Variants in DRC8 observed in about 807,000 individuals in gnomAD.
DRC8 encodes dynein regulatory complex subunit 8.
the DRC8 span, among the ~76,000 whole-genome samples, chr1:245,117,923 G>A: frequency 2.0e-5 from 3 of 152,060 alleles, no homozygotes; most frequent in African/African-American, 7.2e-5. Context: ...AGCCAAGATT[G>A]TGCCACTGCA....
At chr1:245,065,273 G>A in the DRC8 span, among the ~76,000 whole-genome samples, 1 of 151,594 alleles carries the variant, frequency 6.6e-6, no homozygotes, top group African/African-American at 2.4e-5. Context: ...GGCTGGTCTT[G>A]AACGCCTGAC....
the DRC8 span, among the ~76,000 whole-genome samples, chr1:245,081,161 C>CTA: frequency 4.3e-4 from 64 of 147,422 alleles, no homozygotes; most frequent in African/African-American, 1.3e-3. Context: ...TTTTATTTAT[C>CTA]TATATATATA....
chr1:245,103,910 C>G, the DRC8 span, among the ~76,000 whole-genome samples: 2 of 152,236 alleles, frequency 1.3e-5, no homozygotes, highest in Non-Finnish European at 2.9e-5. Context: ...AATCTGTAAA[C>G]AAGATCCTAA....
At chr1:245,059,437 G>C in the DRC8 span, 6 of 1,612,908 alleles carry the variant, frequency 3.7e-6, no homozygotes, top group South Asian at 1.1e-5. Context: ...CGGAAGGAGA[G>C]CTGCATGATC....
At chr1:244,995,525 T>C in the DRC8 span, among the ~76,000 whole-genome samples, 1 of 152,170 alleles carries the variant, frequency 6.6e-6, no homozygotes, top group Non-Finnish European at 1.5e-5. Context: ...TGCCTCACTA[T>C]TTTTAAATTT....
At chr1:244,983,765 CG>C in the DRC8 span, among the ~76,000 whole-genome samples, 1 of 141,562 alleles carries the variant, frequency 7.1e-6, no homozygotes, top group African/African-American at 2.5e-5. Context: ...AAAAAGTAAC[CG>C]GAAATACCGC....
the DRC8 span, among the ~76,000 whole-genome samples, chr1:245,084,874 G>A: frequency 2.2e-4 from 33 of 152,206 alleles, no homozygotes; most frequent in African/African-American, 5.8e-4. Flanking sequence ...TGGCAAGGCC[G>A]TCACAGCTGC....
the DRC8 span, among the ~76,000 whole-genome samples, chr1:245,013,869 A>G: frequency 2.0e-5 from 3 of 151,944 alleles, no homozygotes; most frequent in African/African-American, 4.8e-5. Context: ...CGTCTCTACT[A>G]AAAATACGAA....
the DRC8 span, among the ~76,000 whole-genome samples, chr1:245,090,683 C>A: frequency 6.7e-6 from 1 of 148,484 alleles, no homozygotes; most frequent in Non-Finnish European, 1.5e-5. Flanking sequence ...TTTCTGTTTA[C>A]GTTTTTTTTT....
At chr1:245,114,444 G>A in the DRC8 span, among the ~76,000 whole-genome samples, 1 of 150,896 alleles carries the variant, frequency 6.6e-6, no homozygotes, top group Non-Finnish European at 1.5e-5. Flanking sequence ...CAGCCTGGGC[G>A]ACAGAGTGAG....
the DRC8 span, among the ~76,000 whole-genome samples, chr1:245,081,658 G>A: frequency 6.6e-6 from 1 of 151,678 alleles, no homozygotes; most frequent in African/African-American, 2.4e-5. Flanking sequence ...TAGTAGAGAC[G>A]GGGTTTCACC....
the DRC8 span, among the ~76,000 whole-genome samples, chr1:245,109,822 C>G: frequency 6.6e-6 from 1 of 152,224 alleles, no homozygotes; most frequent in Non-Finnish European, 1.5e-5. Context: ...AACCACTGGG[C>G]TGAACTACCT....
At chr1:245,005,264 T>G in the DRC8 span, among the ~76,000 whole-genome samples, 1 of 152,122 alleles carries the variant, frequency 6.6e-6, no homozygotes, top group Non-Finnish European at 1.5e-5. Context: ...TTTTAAATCA[T>G]GTTAATACTG....
the DRC8 span, among the ~76,000 whole-genome samples, chr1:245,001,006 CAG>C: frequency 6.6e-6 from 1 of 151,798 alleles, no homozygotes; most frequent in Non-Finnish European, 1.5e-5. Context: ...AAGTACCAGG[CAG>C]AGAGAGGGGC....
At chr1:244,994,660 C>T in the DRC8 span, among the ~76,000 whole-genome samples, 1 of 152,060 alleles carries the variant, frequency 6.6e-6, no homozygotes. Flanking sequence ...AAACTCCTGA[C>T]CTCGTGATCT....
the DRC8 span, chr1:244,970,524 G>C: frequency 1.3e-6 from 2 of 1,493,158 alleles, no homozygotes; most frequent in Non-Finnish European, 1.8e-6. Flanking sequence ...CGGGTGGGGT[G>C]GGCCCTCGTC....
the DRC8 span, among the ~76,000 whole-genome samples, chr1:245,085,058 T>A: frequency 6.6e-6 from 1 of 152,246 alleles, no homozygotes; most frequent in African/African-American, 2.4e-5. Context: ...AACAGTTAGA[T>A]TTTCCTACTG....
chr1:244,979,942 C>T, the DRC8 span, among the ~76,000 whole-genome samples: 8,261 of 149,764 alleles, frequency 0.055, 726 homozygotes, highest in African/African-American at 0.19. Context: ...CAGTGGCTCA[C>T]GCCTGTAATC....
chr1:245,064,447 G>A, the DRC8 span, among the ~76,000 whole-genome samples: 1 of 152,170 alleles, frequency 6.6e-6, no homozygotes, highest in African/African-American at 2.4e-5. Flanking sequence ...GGTTGACCTC[G>A]ACATCTGTGC....
Sources: allele counts gnomAD v4.1 joint callset (sites outside exome capture counted in the v4.1 genomes callset), GRCh38; gene constraint gnomAD v4.1.1; transcripts MANE v1.5; gene names NCBI Gene and HGNC (gene_info 2026-07-23, HGNC 2026-07-21).